The following KIAA1755 variants were observed in gnomAD, a reference collection of about 807,000 sequenced individuals.
KIAA1755 encodes the protein uncharacterized protein KIAA1755.
In KIAA1755, 68 loss-of-function variants were observed where a neutral mutation model predicts 91.7. That is an observed-to-expected ratio of 0.74 (90% CI 0.61 to 0.91). KIAA1755 has a LOEUF of 0.91. KIAA1755 is among the 40% of genes least tolerant of loss of function. The pLI, the probability that KIAA1755 is intolerant of heterozygous loss-of-function variation, is 0.00. For missense variants in KIAA1755, 1,535 were observed against 1,494.4 expected, an observed-to-expected ratio of 1.03 and a Z score of -0.45; for synonymous variants, 610 against 604.6, an observed-to-expected ratio of 1.01 and a Z score of -0.13.
At chr20:38,257,251 T>G (rs973989260) in intron 1 of KIAA1755, among the ~76,000 whole-genome samples, 3 of 152,314 alleles carry the variant, frequency 2.0e-5, no homozygotes, top group Non-Finnish European at 2.9e-5. Flanking sequence ...GGTGGGGTAC[T>G]GCCATGCAGC....
chr20:38,215,358 C>G (rs1169910208), intron 13 of KIAA1755, among the ~76,000 whole-genome samples: 1 of 152,226 alleles, frequency 6.6e-6, no homozygotes, highest in African/African-American at 2.4e-5. Flanking sequence ...CCTGACTCCC[C>G]GCACAGCCTC....
chr20:38,246,583 C>G (rs111257133), intron 1 of KIAA1755, among the ~76,000 whole-genome samples: 1 of 152,202 alleles, frequency 6.6e-6, no homozygotes, highest in African/African-American at 2.4e-5. Context: ...CAGCCCAGAC[C>G]AGACAGCCCC....
chr20:38,242,885 C>T (rs1448068195), intron 2 of KIAA1755, among the ~76,000 whole-genome samples: 6 of 152,120 alleles, frequency 3.9e-5, no homozygotes, highest in Non-Finnish European at 7.3e-5. Context: ...GATAATAACA[C>T]GAAGGTGAAG....
chr20:38,231,167 G>A (rs2075854504), intron 5 of KIAA1755, 35 bp downstream of exon 5: 2 of 1,592,148 alleles, frequency 1.3e-6, no homozygotes, highest in Non-Finnish European at 1.7e-6. Context: ...GGGTTGAGGT[G>A]GGGATGGAGC....
At chr20:38,254,460 A>G (rs2076304720) in intron 1 of KIAA1755, among the ~76,000 whole-genome samples, 1 of 152,088 alleles carries the variant, frequency 6.6e-6, no homozygotes, top group African/African-American at 2.4e-5. Context: ...TCTATCTCCA[A>G]GGGCCCTTCC....
chr20:38,236,441 T>G (rs2075961626), intron 4 of KIAA1755, among the ~76,000 whole-genome samples: 1 of 151,244 alleles, frequency 6.6e-6, no homozygotes, highest in Non-Finnish European at 1.5e-5. Flanking sequence ...AGGAAGTGAG[T>G]GTGGATGGAG....
chr20:38,239,463 C>T, intron 4 of KIAA1755, 65 bp downstream of exon 4: 1 of 1,443,364 alleles, frequency 6.9e-7, no homozygotes, highest in Admixed American at 1.7e-5. Flanking sequence ...CACCCAACAG[C>T]AGCTGAAGAT....
chr20:38,254,803 A>G (rs1174713156), intron 1 of KIAA1755, among the ~76,000 whole-genome samples: 1 of 151,968 alleles, frequency 6.6e-6, no homozygotes, highest in East Asian at 1.9e-4. Context: ...AAAAAGTATA[A>G]TCTATTTCAG....
At chr20:38,231,087 G>C in intron 5 of KIAA1755, 115 bp downstream of exon 5, 1 of 1,189,374 alleles carries the variant, frequency 8.4e-7, no homozygotes, top group Non-Finnish European at 1.2e-6. Context: ...CTGGCTCTGT[G>C]AACAGACGAC....
intron 1 of KIAA1755, among the ~76,000 whole-genome samples, chr20:38,250,029 G>A (rs1011244261): frequency 6.6e-5 from 10 of 152,148 alleles, no homozygotes; most frequent in Non-Finnish European, 1.5e-5. Context: ...TATTGAGCTG[G>A]GCTAAGCTTG....
In KIAA1755 at chr20:38,213,580, G is replaced by T. The variant is rs1317062233; in HGVS notation, c.3065C>A (p.Ala1022Asp). 2.5e-6 allele frequency: 4 copies of T among 1,607,158 alleles called. No individual in the cohort carries two copies. In the East Asian group the frequency reaches 8.9e-5, roughly 36 times the overall value. Residue 1022 changes from alanine (A) to aspartate (D), a missense_variant, in exon 14 of 14, where the codon GCC (alanine) becomes GAC (aspartate). By Grantham distance (126) the Ala-to-Asp change is moderately radical (BLOSUM62 -2). Transcript: ENST00000279024. ...GCCCAGGCCTGCCCGGCTCAGGGAG[G>T]CCACCTGCAGCCCCACGGCTGCGAG... ...EKLAAVGLQVASLSRAGLGQE... is the reference protein window; with the variant it reads ...EKLAAVGLQVDSLSRAGLGQE...
At chr20:38,225,928 ATCT>A in intron 7 of KIAA1755, 147 bp from the exon 8 acceptor site, 1 of 546,214 alleles carries the variant, frequency 1.8e-6, no homozygotes, top group Non-Finnish European at 3.2e-6. Context: ...CCAGCAACCA[ATCT>A]TCTCTGGAAA....
intron 13 of KIAA1755, chr20:38,217,033 C>T (rs1466647561): frequency 4.6e-6 from 3 of 656,930 alleles, no homozygotes; most frequent in African/African-American, 1.8e-5. Context: ...GATGAGCCTC[C>T]GACTGTGTCT....
Position 38,213,224 on chromosome 20 carries a change from C to T in KIAA1755, c.3421G>A (p.Gly1141Ser). The T allele has an allele frequency of 1.2e-6, 2 of 1,613,300 alleles. No individual in the cohort carries two copies. The highest frequency in any genetic ancestry group is 1.1e-5 in the South Asian group (1 of 91,090). ...GCAGGGTCAGGCAGCTTGTGGGAGC[C>T]TTTGCCGTCTTCAGCCTCTGCAGCC... ...GQAAEAEDGK[G>S]SHKLPDPARE... The change falls in exon 14 of 14, where the codon GGC (glycine) becomes AGC (serine). Residue 1141 changes from glycine to serine, a missense_variant. Transcript: ENST00000279024.
Position 38,228,254 on chromosome 20 carries a change from A to G in KIAA1755, c.1872-14T>C. 1 of 1,580,710 alleles carries G rather than the reference A, an allele frequency of 6.3e-7. No individual in the cohort carries two copies. Among genetic ancestry groups the G allele is most frequent in the South Asian group, 1.2e-5 (1 of 85,302 alleles). On this transcript the variant is annotated splice_polypyrimidine_tract_variant and intron_variant, in intron 5 of 13. Coordinates refer to ENST00000279024, the MANE Select transcript of KIAA1755 (RefSeq NM_001029864.2). ...TTATCTTCAGGCCTGTGGGTGGTAA[A>G]CAGAATTGACAGTCTTGCTGGATGG...
At chr20:38,222,659 G>C (rs1398705037) in intron 9 of KIAA1755, 62 bp from the exon 10 acceptor site, 1 of 1,550,666 alleles carries the variant, frequency 6.4e-7, no homozygotes, top group Non-Finnish European at 8.8e-7. Context: ...ACCTTCCAAG[G>C]CTCCCCACAC....
At chr20:38,236,880 C>G in intron 4 of KIAA1755, 1 of 151,812 alleles carries the variant, frequency 6.6e-6, no homozygotes, top group South Asian at 2.1e-4. Flanking sequence ...TCAAGCTGGG[C>G]AATATTGCAG....
intron 5 of KIAA1755, 26 bp downstream of exon 5, chr20:38,231,176 G>A (rs1419809545): frequency 1.0e-5 from 16 of 1,601,106 alleles, no homozygotes; most frequent in Non-Finnish European, 1.2e-5. Flanking sequence ...TGGGGATGGA[G>A]CAGTCAGGGT....
chr20:38,240,339 C>T (rs150255962), intron 3 of KIAA1755, among the ~76,000 whole-genome samples: 37 of 152,296 alleles, frequency 2.4e-4, no homozygotes, highest in African/African-American at 8.4e-4. Context: ...ACTTGGCCAA[C>T]GTCACACAGC....
Sources: gnomAD v4.1 joint callset for allele counts (sites outside exome capture counted in the v4.1 genomes callset) on GRCh38, gnomAD v4.1.1 for gene constraint, MANE v1.5 for transcripts, NCBI Gene and HGNC (gene_info 2026-07-23, HGNC 2026-07-21) for gene names.